Variants in ANKS1B observed in about 807,000 individuals in gnomAD.
ANKS1B encodes ankyrin repeat and sterile alpha motif domain-containing protein 1B.
In ANKS1B, 36 loss-of-function variants were observed where a neutral mutation model predicts 148.3. The observed-to-expected ratio is 0.24, with a 90% confidence interval of 0.19 to 0.32. The LOEUF is 0.32. Among genes scored for constraint, ANKS1B ranks in the 10% least tolerant of loss-of-function variants. The pLI is 1.00. For synonymous variants in ANKS1B, 542 were observed against 560.8 expected (o/e 0.97, Z 0.47); for missense variants, 1,157 against 1,542.6 (o/e 0.75, Z 4.19).
chr12:99,533,637 T>C (rs2097027581), intron 9 of ANKS1B, among the ~76,000 whole-genome samples: 1 of 152,226 alleles, frequency 6.6e-6, no homozygotes, highest in Admixed American at 6.5e-5. Context: ...GCTTTCAACT[T>C]TTCCCCATTC....
At chr12:99,730,568 G>C (rs1460050025) in intron 8 of ANKS1B, among the ~76,000 whole-genome samples, 1 of 152,158 alleles carries the variant, frequency 6.6e-6, no homozygotes, top group Admixed American at 6.5e-5. Context: ...TCATGAGTGG[G>C]GAGCTGTGCA....
chr12:99,840,515 T>C (rs948267051), intron 1 of ANKS1B, among the ~76,000 whole-genome samples: 2 of 152,132 alleles, frequency 1.3e-5, no homozygotes, highest in Non-Finnish European at 1.5e-5. Context: ...GAAATTACTA[T>C]AGTAATGCAG....
chr12:99,509,145 G>A (rs370599816), intron 9 of ANKS1B, among the ~76,000 whole-genome samples: 13 of 151,728 alleles, frequency 8.6e-5, no homozygotes, highest in East Asian at 3.9e-4. Context: ...CTGCTCCACC[G>A]ACCAGCCATT....
chr12:99,910,354 CAAAAAAAAAA>C (rs57222450), intron 1 of ANKS1B, among the ~76,000 whole-genome samples: 6 of 51,104 alleles, frequency 1.2e-4, no homozygotes, highest in South Asian at 1.0e-3. Context: ...GACTCCATCT[CAAAAAAAAAA>C]AAAAAAAAAA....
chr12:98,926,800 A>G (rs1334643803), intron 17 of ANKS1B, among the ~76,000 whole-genome samples: 1 of 152,108 alleles, frequency 6.6e-6, no homozygotes, highest in Non-Finnish European at 1.5e-5. Context: ...AAACTTGAAT[A>G]AAGGCCAATT....
chr12:99,757,821 T>C (rs1374045623), intron 8 of ANKS1B, among the ~76,000 whole-genome samples: 1 of 151,984 alleles, frequency 6.6e-6, no homozygotes, highest in Non-Finnish European at 1.5e-5. Context: ...CCATTATCTT[T>C]AGCAAGCTAA....
chr12:99,010,096 G>A (rs979137050), intron 17 of ANKS1B, among the ~76,000 whole-genome samples: 3 of 152,138 alleles, frequency 2.0e-5, no homozygotes, highest in African/African-American at 7.2e-5. Flanking sequence ...CTGAGGCCCT[G>A]GCCCATCATT....
intron 9 of ANKS1B, among the ~76,000 whole-genome samples, chr12:99,632,676 T>C (rs189463943): frequency 4.2e-5 from 6 of 143,142 alleles, no homozygotes; most frequent in African/African-American, 1.5e-4. Context: ...GGTTTCAGAC[T>C]TGTTTGGGGC....
Position 99,481,998 on chromosome 12 carries a change from T to C in ANKS1B, c.1438+22478A>G, listed in dbSNP as rs530070012. Among the ~76,000 whole-genome samples the C allele has an allele frequency of 1.9e-4, 29 of 152,192 alleles. No individual in the cohort carries two copies. In the South Asian group the frequency reaches 6.0e-3, roughly 31 times the overall value. Reference sequence around the variant, plus strand: ...TCTGTGGGTTGACTGTTTACTCTGATAATTATTTATTTTGCTATGCTAAAG... The same window carrying C: ...TCTGTGGGTTGACTGTTTACTCTGACAATTATTTATTTTGCTATGCTAAAG... On this transcript the variant is annotated intron_variant, in intron 10 of 26. Coordinates refer to ENST00000683438, the MANE Select transcript of ANKS1B (RefSeq NM_001352186.2).
At chr12:99,145,052 T>C (rs2072529385) in intron 15 of ANKS1B, among the ~76,000 whole-genome samples, 1 of 152,086 alleles carries the variant, frequency 6.6e-6, no homozygotes, top group Admixed American at 6.5e-5. Flanking sequence ...CAGGGCACTG[T>C]TATTTGTTTC....
chr12:99,465,533 G>A (rs1291150516), intron 10 of ANKS1B, among the ~76,000 whole-genome samples: 2 of 151,842 alleles, frequency 1.3e-5, no homozygotes, highest in Non-Finnish European at 2.9e-5. Context: ...TCAGTGTGCT[G>A]TATTCAGGAA....
At chr12:99,728,243 A>G (rs1159344127) in intron 8 of ANKS1B, among the ~76,000 whole-genome samples, 1 of 152,204 alleles carries the variant, frequency 6.6e-6, no homozygotes, top group African/African-American at 2.4e-5. Flanking sequence ...ACAAAGGTCT[A>G]ATATCCAGAA....
chr12:99,214,821 A>G (rs2083902906), intron 14 of ANKS1B, among the ~76,000 whole-genome samples: 2 of 152,164 alleles, frequency 1.3e-5, no homozygotes, highest in South Asian at 4.1e-4. Flanking sequence ...AGCTTCCTAG[A>G]GACTTGTTGA....
At chr12:99,292,433 T>A (rs1205301339) in intron 12 of ANKS1B, among the ~76,000 whole-genome samples, 1 of 150,548 alleles carries the variant, frequency 6.6e-6, no homozygotes, top group Non-Finnish European at 1.5e-5. Context: ...GGGGCAGGAA[T>A]GAACCTGGGA....
At chr12:99,694,343 G>A (rs1261165276) in intron 8 of ANKS1B, among the ~76,000 whole-genome samples, 1 of 151,310 alleles carries the variant, frequency 6.6e-6, no homozygotes, top group Non-Finnish European at 1.5e-5. Context: ...GGAGTCTGAG[G>A]CAGAAGAATC....
At chr12:99,116,616 T>C (rs1265017805) in intron 15 of ANKS1B, among the ~76,000 whole-genome samples, 1 of 152,196 alleles carries the variant, frequency 6.6e-6, no homozygotes, top group African/African-American at 2.4e-5. Context: ...TTCTTCACAG[T>C]AGATTTAAAA....
rs556234471 is a variant in ANKS1B at position 99,106,602 on chromosome 12, C to T, written c.2527-21579G>A. Among the ~76,000 whole-genome samples the T allele has an allele frequency of 5.3e-5, 8 of 152,094 alleles. No homozygotes were observed. The South Asian group carries it at 1.7e-3, about 32-fold the overall frequency. ...TTTAAATGGGTACTTAATAGTTATA[C>T]CTATTTATGGGATATATGTGATATC... is the stretch of plus-strand genomic sequence containing the variant. On this transcript the variant is annotated intron_variant, in intron 15 of 26. Coordinates refer to ENST00000683438, the MANE Select transcript of ANKS1B (RefSeq NM_001352186.2).
At chr12:99,844,538 A>G (rs1168235894) in intron 1 of ANKS1B, among the ~76,000 whole-genome samples, 1 of 152,086 alleles carries the variant, frequency 6.6e-6, no homozygotes, top group Non-Finnish European at 1.5e-5. Context: ...CAAAGACCAG[A>G]TGGTTGTAGG....
At chr12:99,170,209 G>T (rs2153836090) in intron 14 of ANKS1B, among the ~76,000 whole-genome samples, 1 of 152,280 alleles carries the variant, frequency 6.6e-6, no homozygotes, top group Non-Finnish European at 1.5e-5. Flanking sequence ...TTTCCACATG[G>T]GTGCTCAGCT....
Sources: allele counts gnomAD v4.1 joint callset (sites outside exome capture counted in the v4.1 genomes callset), GRCh38; gene constraint gnomAD v4.1.1; transcripts MANE v1.5; gene names NCBI Gene and HGNC (gene_info 2026-07-23, HGNC 2026-07-21).